ACYP2: variants seen among roughly 807,000 people sequenced by gnomAD.
ACYP2 encodes acylphosphatase-2.
A neutral mutation model predicts 11.2 loss-of-function variants in ACYP2; 12 were observed. That is an observed-to-expected ratio of 1.08 (90% CI 0.69 to 1.74). The LOEUF is 1.74. ACYP2 is among the 40% of genes most tolerant of loss of function. ACYP2 has a pLI of 0.00. For synonymous variants in ACYP2, 43 were observed against 32.2 expected (o/e 1.33, Z -1.13); for missense variants, 134 against 101.9 (o/e 1.31, Z -1.35).
At chr2:54,085,552 G>A (rs998251323) in intron 4 of ACYP2, among the ~76,000 whole-genome samples, 1 of 152,150 alleles carries the variant, frequency 6.6e-6, no homozygotes, top group African/African-American at 2.4e-5. Flanking sequence ...GTTTGGTGAT[G>A]TTTTTGTGAC....
intron 4 of ACYP2, among the ~76,000 whole-genome samples, chr2:54,117,624 T>G (rs1269629591): frequency 6.6e-6 from 1 of 152,170 alleles, no homozygotes; most frequent in Non-Finnish European, 1.5e-5. Context: ...ACTGGGGGTG[T>G]TTATGGAACC....
chr2:54,287,714 G>A (rs1689138051), intron 6 of ACYP2, among the ~76,000 whole-genome samples: 1 of 152,048 alleles, frequency 6.6e-6, no homozygotes, highest in Admixed American at 6.5e-5. Context: ...GAACCCAGCT[G>A]ACTGAGTTTT....
chr2:54,013,699 A>G lies in ACYP2; in HGVS notation c.63-37259A>G, dbSNP rs575408085. Among the ~76,000 whole-genome samples the G allele has an allele frequency of 2.0e-5, 3 of 151,024 alleles. No homozygotes were observed. The South Asian group carries it at 6.3e-4, about 32-fold the overall frequency. ...TGACGAGTTTATTTAACAGTTCCAG[A>G]CACAGAGAAGCACTACAAGAGAGAA... On this transcript the variant is annotated intron_variant, in intron 2 of 6. Transcript: ENST00000607452.
intron 4 of ACYP2, among the ~76,000 whole-genome samples, chr2:54,065,225 G>A (rs143369334): frequency 1.3e-4 from 20 of 152,260 alleles, no homozygotes; most frequent in African/African-American, 2.9e-4. Flanking sequence ...ATTTGAAATC[G>A]TTATTACTGG....
intron 6 of ACYP2, among the ~76,000 whole-genome samples, chr2:54,280,580 C>A (rs1688806251): frequency 6.6e-6 from 1 of 152,132 alleles, no homozygotes; most frequent in African/African-American, 2.4e-5. Flanking sequence ...AGAAGGATCA[C>A]CTAGAGACAC....
chr2:53,992,873 AAGG>A (rs1296474051), intron 2 of ACYP2, among the ~76,000 whole-genome samples: 17 of 151,506 alleles, frequency 1.1e-4, no homozygotes, highest in Non-Finnish European at 2.5e-4. Flanking sequence ...GAAGCAAAAG[AAGG>A]AGAAGTAACT....
At chr2:54,019,826 A>T (rs1673907697) in intron 2 of ACYP2, among the ~76,000 whole-genome samples, 1 of 144,478 alleles carries the variant, frequency 6.9e-6, no homozygotes, top group Non-Finnish European at 1.5e-5. Flanking sequence ...TACCATGTTG[A>T]TCAGGTTGGT....
intron 4 of ACYP2, chr2:54,123,276 G>A (rs1680264462): frequency 7.5e-6 from 3 of 398,316 alleles, no homozygotes; most frequent in Admixed American, 8.8e-5. Context: ...AGAGAGCTCA[G>A]TCATTTAGTT....
At chr2:54,059,307 C>G (rs559153292) in intron 4 of ACYP2, among the ~76,000 whole-genome samples, 1 of 152,072 alleles carries the variant, frequency 6.6e-6, no homozygotes, top group Non-Finnish European at 1.5e-5. Context: ...CAACCTCCAC[C>G]TCCCAGGTTC....
intron 2 of ACYP2, among the ~76,000 whole-genome samples, chr2:53,998,352 G>T (rs1394931077): frequency 1.3e-5 from 2 of 152,146 alleles, no homozygotes; most frequent in Admixed American, 6.6e-5. Flanking sequence ...GATAACTTAA[G>T]CAACTATAGG....
chr2:54,083,768 C>G (rs1029208531), intron 4 of ACYP2, among the ~76,000 whole-genome samples: 1 of 152,108 alleles, frequency 6.6e-6, no homozygotes, highest in African/African-American at 2.4e-5. Flanking sequence ...GGGGCATAAA[C>G]ATCTTTAAAA....
intron 4 of ACYP2, chr2:54,080,415 A>G (rs1677582581): frequency 6.6e-6 from 1 of 152,240 alleles, no homozygotes; most frequent in African/African-American, 2.4e-5. Flanking sequence ...CTTTTGTATT[A>G]GCATTACAGA....
chr2:54,260,745 T>C (rs843696), intron 6 of ACYP2, among the ~76,000 whole-genome samples: 71,285 of 151,826 alleles, frequency 0.47, 17,399 homozygotes, highest in African/African-American at 0.61. Flanking sequence ...TCTAATGAGG[T>C]AGACAGAGGA....
At chr2:54,009,166 A>AT (rs34013084) in intron 2 of ACYP2, among the ~76,000 whole-genome samples, 14,394 of 151,182 alleles carry the variant, frequency 0.095, 945 homozygotes, top group African/African-American at 0.18. Flanking sequence ...AAAAAAAAAA[A>AT]TTCAGACAGC....
chr2:54,274,625 C>CAAAAAAAAAAAA (rs70944155), intron 6 of ACYP2, among the ~76,000 whole-genome samples: 1 of 37,686 alleles, frequency 2.7e-5, no homozygotes, highest in African/African-American at 1.2e-4. Flanking sequence ...GACTCCATCT[C>CAAAAAAAAAAAA]AAAAAAAAAA....
chr2:54,236,029 TTC>T (rs1338383815), intron 6 of ACYP2, among the ~76,000 whole-genome samples: 3 of 152,162 alleles, frequency 2.0e-5, no homozygotes, highest in Non-Finnish European at 2.9e-5. Context: ...TATTTTTGTT[TTC>T]TGTTTTACTT....
At chr2:54,214,223 G>A (rs12616857) in intron 6 of ACYP2, among the ~76,000 whole-genome samples, 2 of 152,028 alleles carry the variant, frequency 1.3e-5, no homozygotes, top group African/African-American at 4.8e-5. Context: ...TTATTTTGCT[G>A]TGCAGAAGCT....
In ACYP2 at chr2:53,973,853, ATATGTGTG is replaced by A. The variant is rs1314994093; in HGVS notation, c.62+45_62+52del. 56 of 113,416 alleles carry A rather than the reference ATATGTGTG, an allele frequency of 4.9e-4. 1 individual carries two copies. Among genetic ancestry groups the A allele is most frequent in the Middle Eastern group, 2.4e-3 (1 of 418 alleles). 7.0% of individuals were successfully genotyped at this position (113,416 alleles called of 1,614,324 possible). On this transcript the variant is annotated intron_variant, in intron 2 of 6. Transcript: ENST00000607452. Reference sequence around the variant, plus strand: ...AGGGATTTTTGAATGTGGGATATATATATGTGTGTGTGTGTGTGTGTGTGTGTGTGTGT... The same window carrying A: ...AGGGATTTTTGAATGTGGGATATATATGTGTGTGTGTGTGTGTGTGTGTGT...
At chr2:54,132,711 C>T (rs1680979767) in intron 4 of ACYP2, among the ~76,000 whole-genome samples, 1 of 151,560 alleles carries the variant, frequency 6.6e-6, no homozygotes, top group Non-Finnish European at 1.5e-5. Flanking sequence ...ATAAATTCAG[C>T]AACATTCACC....
Sources: gnomAD v4.1 joint callset for allele counts (sites outside exome capture counted in the v4.1 genomes callset) on GRCh38, gnomAD v4.1.1 for gene constraint, MANE v1.5 for transcripts, NCBI Gene and HGNC (gene_info 2026-07-23, HGNC 2026-07-21) for gene names.